The following ARHGAP10 variants were observed in gnomAD, a reference collection of about 807,000 sequenced individuals.
ARHGAP10 encodes the protein Rho GTPase activating protein 10, also known as rho GTPase-activating protein 10.
A neutral mutation model predicts 108.6 loss-of-function variants in ARHGAP10; 87 were observed. The ratio of observed to expected loss-of-function variants is 0.80; its 90% CI spans 0.67 to 0.96. The LOEUF (loss-of-function observed/expected upper bound fraction) is 0.96. Among genes scored for constraint, ARHGAP10 ranks in the 40% least tolerant of loss-of-function variants. ARHGAP10 has a pLI of 0.00. For synonymous variants in ARHGAP10, 347 were observed against 341.1 expected (o/e 1.02, Z -0.19); for missense variants, 939 against 954.5 (o/e 0.98, Z 0.21).
intron 1 of ARHGAP10, among the ~76,000 whole-genome samples, chr4:147,758,008 TA>T (rs1480298983): frequency 2.0e-5 from 3 of 152,200 alleles, no homozygotes; most frequent in African/African-American, 7.2e-5. Flanking sequence ...ATTGGTTTTA[TA>T]AACGTTACAT....
At chr4:147,970,428 TG>T (rs1443705082) in intron 18 of ARHGAP10, among the ~76,000 whole-genome samples, 11 of 132,396 alleles carry the variant, frequency 8.3e-5, no homozygotes, top group Non-Finnish European at 1.8e-4. Flanking sequence ...TGGATGGCGG[TG>T]GGGGGAGGGT....
At chr4:147,810,104 C>T (rs186783413) in intron 1 of ARHGAP10, among the ~76,000 whole-genome samples, 18 of 152,130 alleles carry the variant, frequency 1.2e-4, no homozygotes, top group Admixed American at 6.5e-4. Context: ...CCTTTTTGAG[C>T]GGGAAGAAGA....
chr4:147,735,614 C>A (rs756537441), intron 1 of ARHGAP10, among the ~76,000 whole-genome samples: 4 of 152,084 alleles, frequency 2.6e-5, no homozygotes, highest in Non-Finnish European at 5.9e-5. Flanking sequence ...TGGAGAGTTA[C>A]TGAAGGCTTT....
intron 3 of ARHGAP10, among the ~76,000 whole-genome samples, chr4:147,828,292 G>A (rs979663980): frequency 7.9e-5 from 12 of 152,166 alleles, no homozygotes; most frequent in African/African-American, 2.9e-4. Flanking sequence ...AATCTTAAGG[G>A]TAAGATGAGA....
intron 19 of ARHGAP10, among the ~76,000 whole-genome samples, chr4:148,042,609 C>T (rs541464667): frequency 6.6e-6 from 1 of 152,346 alleles, no homozygotes; most frequent in East Asian, 1.9e-4. Flanking sequence ...ACTGGTAACT[C>T]TGAAAACTCC....
intron 18 of ARHGAP10, among the ~76,000 whole-genome samples, chr4:147,997,621 C>T (rs1376602479): frequency 6.6e-6 from 1 of 152,174 alleles, no homozygotes; most frequent in Non-Finnish European, 1.5e-5. Context: ...GGTATAGAAC[C>T]AGACACGTAG....
At chr4:147,749,277 G>A (rs1168994329) in intron 1 of ARHGAP10, among the ~76,000 whole-genome samples, 1 of 152,108 alleles carries the variant, frequency 6.6e-6, no homozygotes, top group Non-Finnish European at 1.5e-5. Flanking sequence ...TAGAACCCCT[G>A]ACCAGAGGAA....
intron 1 of ARHGAP10, among the ~76,000 whole-genome samples, chr4:147,795,447 CT>C: frequency 6.6e-6 from 1 of 152,030 alleles, no homozygotes; most frequent in African/African-American, 2.4e-5. Flanking sequence ...GTTAGCTCTG[CT>C]CTTTGGCCTG....
chr4:148,067,544 G>A (rs1217150618), intron 22 of ARHGAP10, among the ~76,000 whole-genome samples: 2 of 152,162 alleles, frequency 1.3e-5, no homozygotes, highest in Admixed American at 1.3e-4. Context: ...CTCCCTTTCT[G>A]CAGACCAGCA....
chr4:148,003,796 G>A (rs1483274951), intron 18 of ARHGAP10, among the ~76,000 whole-genome samples: 2 of 125,434 alleles, frequency 1.6e-5, no homozygotes, highest in Non-Finnish European at 3.2e-5. Flanking sequence ...TTTTGAGCCT[G>A]TGTGTGTCTC....
At chr4:147,813,168 A>G (rs2126774699) in intron 1 of ARHGAP10, among the ~76,000 whole-genome samples, 1 of 150,790 alleles carries the variant, frequency 6.6e-6, no homozygotes, top group Non-Finnish European at 1.5e-5. Context: ...AAAGAATTGT[A>G]TGTGTTAATG....
intron 19 of ARHGAP10, among the ~76,000 whole-genome samples, chr4:148,042,647 A>G (rs1024009501): frequency 7.2e-5 from 11 of 152,196 alleles, no homozygotes; most frequent in African/African-American, 2.7e-4. Context: ...GCTCCTTGAC[A>G]TAACCATATT....
intron 1 of ARHGAP10, among the ~76,000 whole-genome samples, chr4:147,797,558 G>A (rs1025457097): frequency 6.6e-6 from 1 of 152,052 alleles, no homozygotes; most frequent in Non-Finnish European, 1.5e-5. Flanking sequence ...GACTACAGGT[G>A]CGCACCACCA....
At chr4:147,891,555 G>A (rs537677366) in intron 10 of ARHGAP10, among the ~76,000 whole-genome samples, 1 of 152,312 alleles carries the variant, frequency 6.6e-6, no homozygotes, top group South Asian at 2.1e-4. Flanking sequence ...ATGCAATTCT[G>A]TGGATATGTT....
In ARHGAP10 at chr4:147,885,861, C is replaced by G. The variant is rs146660744; in HGVS notation, c.1034+3929C>G. Among the ~76,000 whole-genome samples the G allele has an allele frequency of 7.9e-5, 12 of 152,234 alleles. No homozygotes were observed. In the East Asian group the frequency reaches 2.3e-3, roughly 29 times the overall value. ...TAATATGTAGTTTCCTTACCCTTTT[C>G]TGTGTTTTGAACTGCTTCTAGAATG... On this transcript the variant is annotated intron_variant, in intron 10 of 22. Transcript: ENST00000336498.
At chr4:147,744,168 T>TG (rs1293622397) in intron 1 of ARHGAP10, among the ~76,000 whole-genome samples, 1 of 152,200 alleles carries the variant, frequency 6.6e-6, no homozygotes, top group Non-Finnish European at 1.5e-5. Context: ...CTACCTAGTT[T>TG]GGGGGTTCCA....
At chr4:148,061,658 A>G (rs1729626033) in intron 20 of ARHGAP10, among the ~76,000 whole-genome samples, 2 of 151,904 alleles carry the variant, frequency 1.3e-5, no homozygotes, top group Admixed American at 6.6e-5. Flanking sequence ...ACCAAAGCAT[A>G]GGAAAGCTTC....
chr4:147,783,244 C>T (rs1177053718), intron 1 of ARHGAP10, among the ~76,000 whole-genome samples: 1 of 143,508 alleles, frequency 7.0e-6, no homozygotes, highest in East Asian at 2.1e-4. Flanking sequence ...ATATAACACA[C>T]ATTAAATTAT....
At chr4:147,759,172 G>A (rs986120867) in intron 1 of ARHGAP10, among the ~76,000 whole-genome samples, 8 of 152,122 alleles carry the variant, frequency 5.3e-5, no homozygotes, top group African/African-American at 1.7e-4. Context: ...ATAAAATAGT[G>A]ATAACACTGT....
Sources: allele counts gnomAD v4.1 joint callset (sites outside exome capture counted in the v4.1 genomes callset), GRCh38; gene constraint gnomAD v4.1.1; transcripts MANE v1.5; gene names NCBI Gene and HGNC (gene_info 2026-07-23, HGNC 2026-07-21).